Variants in KCNN3 observed in about 807,000 individuals in gnomAD.
KCNN3 encodes small conductance calcium-activated potassium channel protein 3.
Under a neutral mutation model 62.9 loss-of-function variants are expected in KCNN3, and 16 were observed. The observed-to-expected ratio is 0.25, with a 90% CI of 0.17 to 0.39. The LOEUF is 0.39. KCNN3 is among the 10% of genes least tolerant of loss of function. The probability of loss-of-function intolerance (pLI) is 1.00; values close to 1 mark genes in which losing one functional copy is unlikely to be tolerated. For synonymous variants in KCNN3, 370 were observed against 389.2 expected, an observed-to-expected ratio of 0.95 and a Z score of 0.58; for missense variants, 599 against 949.4, an observed-to-expected ratio of 0.63 and a Z score of 4.85.
chr1:154,788,738 T>G (rs1649389304), intron 2 of KCNN3, among the ~76,000 whole-genome samples: 1 of 152,200 alleles, frequency 6.6e-6, no homozygotes, highest in Admixed American at 6.5e-5. Flanking sequence ...CTTCACGTGC[T>G]TTTTAGTTAT....
intron 2 of KCNN3, among the ~76,000 whole-genome samples, chr1:154,795,625 C>T (rs1268019285): frequency 6.6e-6 from 1 of 152,140 alleles, no homozygotes; most frequent in Non-Finnish European, 1.5e-5. Context: ...GTGATGTAAA[C>T]AGAGGAATAT....
At chr1:154,777,642 G>A (rs955020807) in intron 2 of KCNN3, among the ~76,000 whole-genome samples, 1 of 152,352 alleles carries the variant, frequency 6.6e-6, no homozygotes, top group East Asian at 1.9e-4. Flanking sequence ...CTGGACCAGA[G>A]GGGCTCGGGG....
intron 1 of KCNN3, among the ~76,000 whole-genome samples, chr1:154,825,386 GAC>G (rs1472250325): frequency 8.0e-6 from 1 of 125,290 alleles, no homozygotes; most frequent in African/African-American, 3.1e-5. Context: ...TTTTTTTTGA[GAC>G]AGAGTCTTGC....
chr1:154,820,714 G>A (rs1187899204), intron 2 of KCNN3, among the ~76,000 whole-genome samples: 1 of 152,242 alleles, frequency 6.6e-6, no homozygotes, highest in Non-Finnish European at 1.5e-5. Flanking sequence ...ACTCCATGAA[G>A]GAAGCTGCCT....
intron 2 of KCNN3, among the ~76,000 whole-genome samples, chr1:154,805,581 T>C (rs2101878184): frequency 6.6e-6 from 1 of 152,352 alleles, no homozygotes; most frequent in Non-Finnish European, 1.5e-5. Flanking sequence ...TGGGCTCTTT[T>C]GATCTCTACT....
intron 1 of KCNN3, chr1:154,868,393 G>C: frequency 3.0e-6 from 3 of 987,596 alleles, no homozygotes; most frequent in Non-Finnish European, 3.6e-6. Context: ...CCCAGGTCAT[G>C]GATGGTTTTC....
intron 6 of KCNN3, among the ~76,000 whole-genome samples, chr1:154,713,902 ACTC>A (rs1206937595): frequency 6.9e-6 from 1 of 144,646 alleles, no homozygotes; most frequent in Admixed American, 6.9e-5. Flanking sequence ...ACTTTTAAAA[ACTC>A]CTCCATCACA....
intron 2 of KCNN3, among the ~76,000 whole-genome samples, chr1:154,815,384 C>A (rs1650620053): frequency 6.6e-6 from 1 of 152,164 alleles, no homozygotes; most frequent in Non-Finnish European, 1.5e-5. Flanking sequence ...TACAAGGTCT[C>A]TGCTCCTGGC....
intron 2 of KCNN3, among the ~76,000 whole-genome samples, chr1:154,797,171 C>G (rs546496404): frequency 3.3e-5 from 5 of 152,332 alleles, no homozygotes; most frequent in African/African-American, 1.2e-4. Context: ...TGAGGCTGGG[C>G]TCACAGGTCT....
At chr1:154,844,661 A>G (rs1267270804) in intron 1 of KCNN3, among the ~76,000 whole-genome samples, 2 of 110,994 alleles carry the variant, frequency 1.8e-5, no homozygotes, top group Non-Finnish European at 4.1e-5. Flanking sequence ...AGCGCCCACA[A>G]TAAGGCTATC....
chr1:154,800,861 A>G (rs111413180), intron 2 of KCNN3, among the ~76,000 whole-genome samples: 4 of 149,776 alleles, frequency 2.7e-5, no homozygotes, highest in African/African-American at 9.7e-5. Context: ...GCTGGGCAAC[A>G]TAGCAAAACC....
chr1:154,835,541 G>A (rs938197177), intron 1 of KCNN3, among the ~76,000 whole-genome samples: 2 of 152,224 alleles, frequency 1.3e-5, no homozygotes, highest in Admixed American at 1.3e-4. Context: ...TTAGCAAGGT[G>A]GTGTCACAGT....
At chr1:154,858,162 G>C (rs1214623177) in intron 1 of KCNN3, among the ~76,000 whole-genome samples, 2 of 152,182 alleles carry the variant, frequency 1.3e-5, no homozygotes, top group Non-Finnish European at 1.5e-5. Context: ...TACTCTCCCA[G>C]AGCAGGGGAA....
chr1:154,764,421 C>T (rs1451481158), intron 3 of KCNN3, among the ~76,000 whole-genome samples: 3 of 152,102 alleles, frequency 2.0e-5, no homozygotes, highest in Non-Finnish European at 4.4e-5. Flanking sequence ...GTCTCAACAT[C>T]CTCATATACA....
At chr1:154,775,732 A>T (rs953750465) in intron 2 of KCNN3, among the ~76,000 whole-genome samples, 3 of 152,102 alleles carry the variant, frequency 2.0e-5, no homozygotes, top group African/African-American at 7.2e-5. Flanking sequence ...CTCCTTCCCC[A>T]GTGCAGCTGA....
At chr1:154,773,420 A>G (rs1648657471) in intron 2 of KCNN3, among the ~76,000 whole-genome samples, 1 of 152,222 alleles carries the variant, frequency 6.6e-6, no homozygotes, top group African/African-American at 2.4e-5. Flanking sequence ...AAAATTAATG[A>G]AAACCTGAGA....
chr1:154,780,810 T>C (rs1472992396), intron 2 of KCNN3, among the ~76,000 whole-genome samples: 3 of 151,872 alleles, frequency 2.0e-5, no homozygotes, highest in Non-Finnish European at 2.9e-5. Flanking sequence ...AAATGCTCCA[T>C]GGAACTAGAG....
rs1475509613 is a variant in KCNN3, at chr1:154,701,079, C to T, written c.*6897G>A. On this transcript the variant is annotated 3_prime_UTR_variant, in exon 8 of 8. Transcript: ENST00000271915. The stretch of plus-strand genomic sequence containing the variant: ...AAGAAAACTTGTGTACAAGTTAGGG[C>T]TCAGCTACACAAACAGACTGAAAAC... 1 of 152,090 alleles carries T rather than the reference C, an allele frequency of 6.6e-6. No homozygotes were observed. Among genetic ancestry groups the T allele is most frequent in the Non-Finnish European group, 1.5e-5 (1 of 68,020 alleles). 9.4% of individuals were successfully genotyped at this position (152,090 alleles called of 1,614,324 possible).
intron 2 of KCNN3, among the ~76,000 whole-genome samples, chr1:154,819,793 G>A (rs2798603): frequency 0.22 from 32,912 of 152,136 alleles, 4,098 homozygotes; most frequent in Middle Eastern, 0.41. Flanking sequence ...CCAGGCAGTC[G>A]TGATAGTGAC....
Sources: allele counts gnomAD v4.1 joint callset (sites outside exome capture counted in the v4.1 genomes callset), GRCh38; gene constraint gnomAD v4.1.1; transcripts MANE v1.5; gene names NCBI Gene and HGNC (gene_info 2026-07-23, HGNC 2026-07-21).